The following PLD1 variants were observed in gnomAD, a reference collection of about 807,000 sequenced individuals.
The protein encoded by PLD1 is phospholipase D1.
In PLD1, 112 loss-of-function variants were observed where a neutral mutation model predicts 137.1. The observed-to-expected ratio is 0.82, with a 90% CI of 0.70 to 0.96. The LOEUF (loss-of-function observed/expected upper bound fraction) is 0.96, where lower values mean the gene tolerates loss of function less well. Among genes scored for constraint, PLD1 ranks in the 40% least tolerant of loss-of-function variants. The pLI is 0.00. For synonymous variants in PLD1, 431 were observed against 454.7 expected (o/e 0.95, Z 0.66); for missense variants, 1,321 against 1,342.0 (o/e 0.98, Z 0.24).
intron 9 of PLD1, among the ~76,000 whole-genome samples, chr3:171,710,546 T>G (rs191281587): frequency 6.6e-6 from 1 of 152,206 alleles, no homozygotes; most frequent in Non-Finnish European, 1.5e-5. Context: ...ATGCTGTGGC[T>G]GATCTGACAG....
intron 25 of PLD1, among the ~76,000 whole-genome samples, chr3:171,610,514 T>G (rs7632869): frequency 0.18 from 26,755 of 152,198 alleles, 2,452 homozygotes; most frequent in South Asian, 0.24. Context: ...ATTTGCCAAA[T>G]TTGTACATAA....
At chr3:171,764,937 A>AAGGAAG (rs1560289331) in intron 1 of PLD1, among the ~76,000 whole-genome samples, 1 of 11,208 alleles carries the variant, frequency 8.9e-5, no homozygotes, top group African/African-American at 3.4e-4. Context: ...AAGAAAGGAA[A>AAGGAAG]GAAAGAAAGA....
At position 171,620,367 on chromosome 3, in the gene PLD1, G is replaced by A; in HGVS notation, c.2728+19C>T. The A allele has an allele frequency of 2.0e-6, 3 of 1,529,740 alleles. No homozygotes were observed. The highest frequency in any genetic ancestry group is 2.7e-6 in the Non-Finnish European group (3 of 1,122,006). The allele number at this position is 1,529,740 out of a possible 1,614,324, so 94.8% of individuals were successfully genotyped here. On this transcript the variant is annotated intron_variant, in intron 24 of 26. Transcript: ENST00000351298. ...TCAACTGGCAAGGAATACAATTATA[G>A]ACCATATACTGTACTTACCAATAAT...
At chr3:171,730,785 C>T (rs537064834) in intron 6 of PLD1, among the ~76,000 whole-genome samples, 8 of 151,992 alleles carry the variant, frequency 5.3e-5, no homozygotes, top group African/African-American at 1.2e-4. Context: ...ATTAAAGGCG[C>T]CCACCACCAC....
In PLD1 at chr3:171,733,509, T is replaced by C; in HGVS notation, c.541A>G (p.Lys181Glu). ...TTTGTCAAGTAATCTTCCAGTTGTT[T>C]CTGTAATGCAAATATTTTAGATAAG... The part of the protein sequence containing the change: ...IREEQFLGRR[K>E]QLEDYLTKIL... The change falls in exon 6 of 27, where the codon AAA becomes GAA. Residue 181 changes from lysine to glutamate, a missense_variant and splice_region_variant. Coordinates refer to ENST00000351298, the MANE Select transcript of PLD1 (RefSeq NM_002662.5). 8.3e-7 allele frequency: 1 copy of C among 1,204,290 alleles called. No individual in the cohort carries two copies. Among genetic ancestry groups the C allele is most frequent in the South Asian group, 1.3e-5 (1 of 79,624 alleles). The allele number at this position is 1,204,290 out of a possible 1,614,324, so 74.6% of individuals were successfully genotyped here.
chr3:171,799,444 G>A (rs1723562450), intron 1 of PLD1, among the ~76,000 whole-genome samples: 1 of 149,726 alleles, frequency 6.7e-6, no homozygotes, highest in Non-Finnish European at 1.5e-5. Context: ...TAGCACAGAA[G>A]TGAAACAAGG....
At position 171,668,501 on chromosome 3, in the gene PLD1, T is replaced by C. The variant is rs1327872572; in HGVS notation, c.2229+5999A>G. On this transcript the variant is annotated intron_variant, in intron 19 of 26. Transcript: ENST00000351298. ...AACAATTTTTTTTCAGTGGTATAATTTGGATGTTATTTATACTTTCTTGAA... is the reference window on the plus strand; with the variant it reads ...AACAATTTTTTTTCAGTGGTATAATCTGGATGTTATTTATACTTTCTTGAA... Among the ~76,000 whole-genome samples the C allele has an allele frequency of 5.9e-5, 9 of 152,214 alleles. No homozygotes were observed. The East Asian group carries it at 1.5e-3, about 26-fold the overall frequency.
At chr3:171,680,299 T>C (rs1265821949) in intron 16 of PLD1, among the ~76,000 whole-genome samples, 1 of 133,990 alleles carries the variant, frequency 7.5e-6, no homozygotes, top group African/African-American at 2.8e-5. Flanking sequence ...CGATCTCGGC[T>C]CACTGCAACC....
chr3:171,753,404 G>GACTGA (rs1453275951), intron 1 of PLD1, among the ~76,000 whole-genome samples: 4 of 152,222 alleles, frequency 2.6e-5, no homozygotes. Flanking sequence ...GCACCAGCCA[G>GACTGA]ACTGATAAGC....
chr3:171,785,198 G>C (rs1334559504), intron 1 of PLD1, among the ~76,000 whole-genome samples: 1 of 152,148 alleles, frequency 6.6e-6, no homozygotes, highest in African/African-American at 2.4e-5. Context: ...TTATGTTTAT[G>C]TCTTACCTCT....
chr3:171,758,386 G>T lies in PLD1; in HGVS notation c.-31-20304C>A, dbSNP rs144159776. Among the ~76,000 whole-genome samples the T allele has an allele frequency of 8.9e-4, 136 of 152,250 alleles. 1 individual carries two copies. The highest frequency in any genetic ancestry group is 3.2e-3 in the African/African-American group (133 of 41,546). The stretch of plus-strand genomic sequence containing the variant: ...GGCCAAAGTAATCATAGTGATCAAT[G>T]AACAAATGTTGCTCCTCCATTTAAT... On this transcript the variant is annotated intron_variant, in intron 1 of 26. Coordinates refer to ENST00000351298, the MANE Select transcript of PLD1 (RefSeq NM_002662.5).
intron 6 of PLD1, among the ~76,000 whole-genome samples, chr3:171,727,087 A>T (rs1489317800): frequency 6.6e-6 from 1 of 152,244 alleles, no homozygotes; most frequent in African/African-American, 2.4e-5. Flanking sequence ...TTTATGTGTC[A>T]CAAAATATTA....
intron 6 of PLD1, 29 bp downstream of exon 6, chr3:171,733,415 C>A: frequency 2.2e-6 from 2 of 893,104 alleles, no homozygotes; most frequent in Non-Finnish European, 3.6e-6. Context: ...GAAAATTACT[C>A]CAAACTTAAA....
chr3:171,763,378 A>G (rs1447669615), intron 1 of PLD1, among the ~76,000 whole-genome samples: 1 of 149,396 alleles, frequency 6.7e-6, no homozygotes, highest in Non-Finnish European at 1.5e-5. Flanking sequence ...AAGTTTGATG[A>G]CACCACTGCA....
At position 171,602,926 on chromosome 3, in the gene PLD1, T is replaced by C. The variant is rs944680915; in HGVS notation, c.*152A>G. ...CTGATGTTTACAGTCCTTACATCAATGTGACTGCAGCCCTCCCCAGTCATT... is the reference window on the plus strand; with the variant it reads ...CTGATGTTTACAGTCCTTACATCAACGTGACTGCAGCCCTCCCCAGTCATT... On this transcript the variant is annotated 3_prime_UTR_variant, in exon 27 of 27. Coordinates refer to ENST00000351298, the MANE Select transcript of PLD1 (RefSeq NM_002662.5). 10 of 616,790 alleles carry C rather than the reference T, an allele frequency of 1.6e-5. No homozygotes were observed. Among genetic ancestry groups the C allele is most frequent in the East Asian group, 2.7e-5 (1 of 36,762 alleles). The allele number at this position is 616,790 out of a possible 1,614,324, so 38.2% of individuals were successfully genotyped here. A position where few individuals can be genotyped will look rare whatever the true frequency, so the allele number is the denominator to read the frequency against.
In PLD1 at chr3:171,674,525, G is replaced by C. The variant is rs1341840139; in HGVS notation, c.2204C>G (p.Pro735Arg). 6.2e-7 allele frequency: 1 copy of C among 1,603,448 alleles called. No individual in the cohort carries two copies. The highest frequency in any genetic ancestry group is 2.2e-5 in the East Asian group (1 of 44,792). The change falls in exon 19 of 27, where the codon CCT becomes CGT. Residue 735 changes from proline (P) to arginine (R), a missense_variant. Physicochemically the swap from Pro to Arg is moderately radical, Grantham distance 103. Transcript: ENST00000351298. The stretch of plus-strand genomic sequence containing the variant: ...CTGTACGTTAGCATGGACAGACCCA[G>C]GCACTTGATATCTCAACTCATGGGC... Reference protein sequence around the residue: ...TTAHELRYQVPGSVHANVQLL... With the variant: ...TTAHELRYQVRGSVHANVQLL...
chr3:171,632,836 T>C (rs1053783430), intron 23 of PLD1, among the ~76,000 whole-genome samples: 1 of 152,198 alleles, frequency 6.6e-6, no homozygotes, highest in Non-Finnish European at 1.5e-5. Context: ...CTAAAGCACA[T>C]CTATGTGCCA....
At chr3:171,620,742 C>CTCTCTCTATATATA (rs1473647659) in intron 23 of PLD1, among the ~76,000 whole-genome samples, 9 of 94,778 alleles carry the variant, frequency 9.5e-5, no homozygotes, top group Admixed American at 2.3e-4. Context: ...CTCTCTCTCT[C>CTCTCTCTATATATA]TATATATATA....
intron 11 of PLD1, among the ~76,000 whole-genome samples, chr3:171,704,921 CG>C (rs2108553696): frequency 6.6e-6 from 1 of 152,230 alleles, no homozygotes; most frequent in South Asian, 2.1e-4. Context: ...TCATAAGGAG[CG>C]GGCAGCCTAG....
Sources: gnomAD v4.1 joint callset for allele counts (sites outside exome capture counted in the v4.1 genomes callset) on GRCh38, gnomAD v4.1.1 for gene constraint, MANE v1.5 for transcripts, NCBI Gene and HGNC (gene_info 2026-07-23, HGNC 2026-07-21) for gene names.